The following SAMD5 variants were observed in gnomAD, a reference collection of about 807,000 sequenced individuals.
SAMD5 encodes the protein sterile alpha motif domain containing 5.
Under a neutral mutation model 11.3 loss-of-function variants are expected in SAMD5, and 13 were observed. The observed-to-expected ratio is 1.15, with a 90% CI of 0.75 to 1.83. The LOEUF (loss-of-function observed/expected upper bound fraction) is 1.83. Among genes scored for constraint, SAMD5 ranks in the 40% most tolerant of loss-of-function variants. The probability of loss-of-function intolerance (pLI) is 0.00; values close to 1 mark genes in which losing one functional copy is unlikely to be tolerated. For synonymous variants in SAMD5, 129 were observed against 111.3 expected, an observed-to-expected ratio of 1.16 and a Z score of -1.00; for missense variants, 255 against 239.1, an observed-to-expected ratio of 1.07 and a Z score of -0.44.
chr6:147,824,462 A>G, the SAMD5 span, among the ~76,000 whole-genome samples: 1 of 152,196 alleles, frequency 6.6e-6, no homozygotes, highest in Admixed American at 6.5e-5. Flanking sequence ...GGAATTGGTT[A>G]ATTGCATTTT....
chr6:147,776,818 G>A, the SAMD5 span, among the ~76,000 whole-genome samples: 7 of 152,338 alleles, frequency 4.6e-5, no homozygotes, highest in Non-Finnish European at 8.8e-5. Context: ...TGGGGTTAAC[G>A]TCCAAAGGTA....
chr6:147,738,528 A>C (rs1442355497), downstream of SAMD5, among the ~76,000 whole-genome samples: 8 of 152,358 alleles, frequency 5.3e-5, no homozygotes, highest in East Asian at 1.5e-3. Flanking sequence ...ATGCATGTTG[A>C]GGCTGGAATA....
chr6:147,670,856 A>C (rs1171764828), intron 1 of SAMD5, among the ~76,000 whole-genome samples: 1 of 152,246 alleles, frequency 6.6e-6, no homozygotes, highest in African/African-American at 2.4e-5. Flanking sequence ...CCGTAGTAGC[A>C]CTTTACATTT....
chr6:147,529,789 TA>T (rs1391571641), intron 1 of SAMD5, among the ~76,000 whole-genome samples: 1 of 152,184 alleles, frequency 6.6e-6, no homozygotes, highest in Non-Finnish European at 1.5e-5. Flanking sequence ...AAATATCCAA[TA>T]AAAATGAATT....
chr6:147,530,660 C>T (rs1788416230), intron 1 of SAMD5, among the ~76,000 whole-genome samples: 2 of 152,210 alleles, frequency 1.3e-5, no homozygotes, highest in Non-Finnish European at 2.9e-5. Flanking sequence ...AGAGGCAAAC[C>T]TTGCAGACAG....
At chr6:147,724,719 G>A (rs1214242283) in intron 1 of SAMD5, among the ~76,000 whole-genome samples, 1 of 151,940 alleles carries the variant, frequency 6.6e-6, no homozygotes, top group Non-Finnish European at 1.5e-5. Context: ...TGGGGGAAGG[G>A]AACAGCCTAT....
At chr6:147,713,473 T>C (rs1318813706) in intron 1 of SAMD5, among the ~76,000 whole-genome samples, 1 of 152,158 alleles carries the variant, frequency 6.6e-6, no homozygotes, top group African/African-American at 2.4e-5. Flanking sequence ...GATGTTGCAT[T>C]CTTGGTAAAT....
chr6:147,934,395 G>A, the SAMD5 span, among the ~76,000 whole-genome samples: 9 of 152,262 alleles, frequency 5.9e-5, no homozygotes, highest in Admixed American at 1.3e-4. Flanking sequence ...TGGTTCCAAG[G>A]TCTCTCTTGA....
the SAMD5 span, among the ~76,000 whole-genome samples, chr6:147,759,968 A>T: frequency 6.6e-6 from 1 of 152,232 alleles, no homozygotes; most frequent in Admixed American, 6.5e-5. Context: ...CTTCCCTATG[A>T]ATTCATTGTG....
chr6:147,546,997 C>A (rs1788697334), intron 1 of SAMD5, among the ~76,000 whole-genome samples: 1 of 152,160 alleles, frequency 6.6e-6, no homozygotes, highest in South Asian at 2.1e-4. Flanking sequence ...AGCTGGGCAG[C>A]GTTGGCGTTT....
the SAMD5 span, among the ~76,000 whole-genome samples, chr6:147,834,356 C>T: frequency 6.6e-6 from 1 of 152,146 alleles, no homozygotes; most frequent in Admixed American, 6.5e-5. Flanking sequence ...TTACAATCAT[C>T]CCCAAAAGCA....
rs1789045645 is a variant in SAMD5, at chr6:147,566,611, C to A, written c.*2155C>A. ...TATTTTCTATTAGAGTAATATCTAA[C>A]TTCAATTATTTTGCCAGGTTTAAAC... On this transcript the variant is annotated 3_prime_UTR_variant, in exon 2 of 2. Coordinates refer to ENST00000367474, the MANE Select transcript of SAMD5 (RefSeq NM_001030060.3). 1 of 979,430 alleles carries A rather than the reference C, an allele frequency of 1.0e-6. No homozygotes were observed. The highest frequency in any genetic ancestry group is 1.8e-5 in the African/African-American group (1 of 57,090). 60.7% of individuals were successfully genotyped at this position (979,430 alleles called of 1,614,324 possible).
chr6:147,763,189 T>A, the SAMD5 span, among the ~76,000 whole-genome samples: 1 of 152,150 alleles, frequency 6.6e-6, no homozygotes. Flanking sequence ...AGACAGAGTC[T>A]GACTCTGTCA....
chr6:147,642,452 C>A (rs1790327026), intron 1 of SAMD5, among the ~76,000 whole-genome samples: 1 of 152,146 alleles, frequency 6.6e-6, no homozygotes, highest in Admixed American at 6.6e-5. Flanking sequence ...TTAGGTGCCA[C>A]TTTAATGATA....
At chr6:147,694,330 G>A (rs1049461143) in intron 1 of SAMD5, among the ~76,000 whole-genome samples, 1 of 152,270 alleles carries the variant, frequency 6.6e-6, no homozygotes, top group African/African-American at 2.4e-5. Context: ...AATCTTTCAA[G>A]TGATTTCCTT....
At chr6:147,676,548 C>T (rs1411252824) in intron 1 of SAMD5, among the ~76,000 whole-genome samples, 1 of 151,996 alleles carries the variant, frequency 6.6e-6, no homozygotes, top group Non-Finnish European at 1.5e-5. Flanking sequence ...TTATTGATTT[C>T]CTCCTATTGG....
the SAMD5 span, among the ~76,000 whole-genome samples, chr6:147,896,738 C>CAA: frequency 3.5e-3 from 193 of 55,236 alleles, 1 homozygote; most frequent in African/African-American, 6.3e-3. Context: ...GAACATTAAC[C>CAA]AAAAAAAAAA....
intron 1 of SAMD5, among the ~76,000 whole-genome samples, chr6:147,645,493 G>A (rs920505741): frequency 1.3e-5 from 2 of 152,040 alleles, no homozygotes; most frequent in Admixed American, 1.3e-4. Flanking sequence ...TTTTCTATAC[G>A]TTATGTATTT....
In SAMD5 at chr6:147,599,363, T is replaced by C. The variant is rs144723161; in HGVS notation, c.162+89976T>C. Among the ~76,000 whole-genome samples, 910 of 152,344 alleles carry C rather than the reference T, an allele frequency of 6.0e-3. 13 individuals are homozygous for C. The highest frequency in any genetic ancestry group is 0.021 in the African/African-American group (864 of 41,578). On this transcript the variant is annotated intron_variant, in intron 1 of 1. Coordinates refer to the SAMD5 transcript ENST00000566741. ...CAGATAATTTTGCTTGCCACAACAATTTAAAATTTGCAGTGAGATAAGGTT... is the reference window on the plus strand; with the variant it reads ...CAGATAATTTTGCTTGCCACAACAACTTAAAATTTGCAGTGAGATAAGGTT...
Sources: gnomAD v4.1 joint callset for allele counts (sites outside exome capture counted in the v4.1 genomes callset) on GRCh38, gnomAD v4.1.1 for gene constraint, MANE v1.5 for transcripts, NCBI Gene and HGNC (gene_info 2026-07-23, HGNC 2026-07-21) for gene names.